Variants in MBD5 observed in about 807,000 individuals in gnomAD.
The protein encoded by MBD5 is methyl-CpG binding domain protein 5, also known as methyl-CpG-binding domain protein 5.
A neutral mutation model predicts 117.3 loss-of-function variants in MBD5; 13 were observed. The observed-to-expected ratio is 0.11, with a 90% CI of 0.07 to 0.18. The LOEUF (loss-of-function observed/expected upper bound fraction) is 0.18. Ranked by LOEUF, MBD5 falls within the 10% of genes least tolerant of loss-of-function variation. MBD5 has a pLI of 1.00. For synonymous variants in MBD5, 727 were observed against 766.4 expected, an observed-to-expected ratio of 0.95 and a Z score of 0.85; for missense variants, 1,879 against 2,093.8, an observed-to-expected ratio of 0.90 and a Z score of 2.00.
chr2:148,305,020 C>G (rs1428364937), intron 3 of MBD5, among the ~76,000 whole-genome samples: 52 of 151,442 alleles, frequency 3.4e-4, no homozygotes, highest in African/African-American at 1.2e-3. Flanking sequence ...AGCCGAGATC[C>G]CGCCACTGCA....
chr2:148,346,840 A>G (rs747300732), intron 4 of MBD5: 5 of 151,154 alleles, frequency 3.3e-5, no homozygotes, highest in Non-Finnish European at 5.9e-5. Context: ...CATCTTTTTC[A>G]TGGCTTTTGG....
intron 3 of MBD5, among the ~76,000 whole-genome samples, chr2:148,288,378 C>T (rs567658943): frequency 1.5e-5 from 1 of 67,232 alleles, no homozygotes; most frequent in Non-Finnish European, 3.2e-5. Flanking sequence ...CCAGCCTGGG[C>T]GACAGAGCGA....
intron 3 of MBD5, among the ~76,000 whole-genome samples, chr2:148,279,670 T>A (rs946859017): frequency 6.6e-6 from 1 of 152,248 alleles, no homozygotes; most frequent in South Asian, 2.1e-4. Flanking sequence ...TAGCTCTAGA[T>A]GTATCTCATC....
intron 3 of MBD5, among the ~76,000 whole-genome samples, chr2:148,291,416 T>G (rs1701498239): frequency 6.6e-6 from 1 of 152,234 alleles, no homozygotes. Flanking sequence ...TCACTCTTCC[T>G]TTGTTAAATC....
At chr2:148,433,974 T>A (rs1706074704) in intron 4 of MBD5, among the ~76,000 whole-genome samples, 1 of 151,882 alleles carries the variant, frequency 6.6e-6, no homozygotes, top group Non-Finnish European at 1.5e-5. Context: ...GTACCAGGTC[T>A]TCTTTATACA....
At chr2:148,292,730 A>G (rs1701527275) in intron 3 of MBD5, among the ~76,000 whole-genome samples, 1 of 152,178 alleles carries the variant, frequency 6.6e-6, no homozygotes, top group Admixed American at 6.5e-5. Flanking sequence ...TATACCCAAA[A>G]GAAAGGAAAT....
chr2:148,170,415 A>G (rs749961012), intron 1 of MBD5, among the ~76,000 whole-genome samples: 8 of 152,346 alleles, frequency 5.3e-5, no homozygotes, highest in Middle Eastern at 6.8e-3. Flanking sequence ...AGCTATGGTT[A>G]TACTGAAGAA....
chr2:148,479,898 T>C (rs1406891383), intron 8 of MBD5, among the ~76,000 whole-genome samples: 1 of 152,052 alleles, frequency 6.6e-6, no homozygotes, highest in African/African-American at 2.4e-5. Context: ...CTTATAGTTA[T>C]ACTAGCAATA....
At chr2:148,194,913 T>C (rs1351071390) in intron 2 of MBD5, among the ~76,000 whole-genome samples, 1 of 152,182 alleles carries the variant, frequency 6.6e-6, no homozygotes, top group Non-Finnish European at 1.5e-5. Flanking sequence ...CTTTTTTGTT[T>C]TCATCAGACT....
At chr2:148,299,136 T>C (rs2106469976) in intron 3 of MBD5, among the ~76,000 whole-genome samples, 1 of 149,038 alleles carries the variant, frequency 6.7e-6, no homozygotes, top group East Asian at 1.9e-4. Flanking sequence ...AGAACTTTCT[T>C]TTTTTTTTTT....
intron 3 of MBD5, among the ~76,000 whole-genome samples, chr2:148,234,892 T>TA (rs2106158517): frequency 6.6e-6 from 1 of 152,304 alleles, no homozygotes; most frequent in African/African-American, 2.4e-5. Context: ...TAACTATTTT[T>TA]AAAAACTACT....
intron 4 of MBD5, among the ~76,000 whole-genome samples, chr2:148,377,112 A>C (rs572821555): frequency 6.6e-6 from 1 of 151,966 alleles, no homozygotes; most frequent in South Asian, 2.1e-4. Context: ...TAACTCACGC[A>C]ATCACAAGAT....
chr2:148,254,286 C>T (rs536597318), intron 3 of MBD5, among the ~76,000 whole-genome samples: 5 of 152,304 alleles, frequency 3.3e-5, no homozygotes, highest in African/African-American at 1.2e-4. Context: ...CCTAAAAGGG[C>T]ACAGGTGCCT....
Position 148,458,507 on chromosome 2 carries a change from T to C in MBD5, c.-252T>C. On this transcript the variant is annotated 5_prime_UTR_variant, in exon 5 of 14. Transcript: ENST00000642680. ...TTCCTTAGTCAGAAGCACTCATTTT[T>C]ACCCATGTAGACCATCCTTAGGAAT... The C allele has an allele frequency of 5.1e-6, 3 of 589,020 alleles. No homozygotes were observed. Among genetic ancestry groups the C allele is most frequent in the Non-Finnish European group, 9.1e-6 (3 of 330,930 alleles). 36.5% of individuals were successfully genotyped at this position (589,020 alleles called of 1,614,324 possible). A position where few individuals can be genotyped will look rare whatever the true frequency, so the allele number is the denominator to read the frequency against.
At chr2:148,408,388 A>T (rs1160554947) in intron 4 of MBD5, among the ~76,000 whole-genome samples, 2 of 152,028 alleles carry the variant, frequency 1.3e-5, no homozygotes, top group Non-Finnish European at 2.9e-5. Flanking sequence ...TATTTTTGAA[A>T]CTCAAACACA....
At chr2:148,151,768 C>G (rs1697676353) in intron 1 of MBD5, among the ~76,000 whole-genome samples, 1 of 152,008 alleles carries the variant, frequency 6.6e-6, no homozygotes, top group African/African-American at 2.4e-5. Context: ...GTTTGTATTT[C>G]TGTGGGATCG....
intron 1 of MBD5, among the ~76,000 whole-genome samples, chr2:148,132,163 G>C (rs750547763): frequency 6.6e-6 from 1 of 151,876 alleles, no homozygotes; most frequent in South Asian, 2.1e-4. Flanking sequence ...ATAATGCCTC[G>C]CACATTGAAA....
intron 3 of MBD5, among the ~76,000 whole-genome samples, chr2:148,249,414 C>A (rs2106236200): frequency 6.6e-6 from 1 of 152,158 alleles, no homozygotes; most frequent in East Asian, 1.9e-4. Context: ...TTGGAAAAAA[C>A]AATAAGTAAA....
intron 2 of MBD5, among the ~76,000 whole-genome samples, chr2:148,185,919 G>A (rs1698645679): frequency 1.3e-5 from 2 of 151,902 alleles, no homozygotes; most frequent in African/African-American, 2.4e-5. Flanking sequence ...GAATTGATGG[G>A]TTTGCGTAGG....
Sources: allele counts gnomAD v4.1 joint callset (sites outside exome capture counted in the v4.1 genomes callset), GRCh38; gene constraint gnomAD v4.1.1; transcripts MANE v1.5; gene names NCBI Gene and HGNC (gene_info 2026-07-23, HGNC 2026-07-21).